Variants in MAOB observed in about 807,000 individuals in gnomAD.
MAOB encodes amine oxidase [flavin-containing] B.
In MAOB, 15 loss-of-function variants were observed where a neutral mutation model predicts 41.9. The ratio of observed to expected loss-of-function variants is 0.36; its 90% confidence interval spans 0.24 to 0.55. MAOB has a LOEUF of 0.55. Ranked by LOEUF, MAOB falls within the 20% of genes least tolerant of loss-of-function variation. The pLI, the probability that MAOB is intolerant of heterozygous loss-of-function variation, is 0.86. For missense variants in MAOB, 345 were observed against 398.7 expected (o/e 0.87, Z 1.15); for synonymous variants, 167 against 144.2 (o/e 1.16, Z -1.13).
chrX:43,826,093 A>C (rs1191772461), intron 3 of MAOB, among the ~76,000 whole-genome samples: 2 of 112,342 alleles, frequency 1.8e-5, no homozygotes, highest in Non-Finnish European at 3.7e-5. Flanking sequence ...ATAACACATA[A>C]GCTCCACAAG....
intron 12 of MAOB, among the ~76,000 whole-genome samples, chrX:43,770,489 C>T (rs1192299247): frequency 8.9e-6 from 1 of 112,084 alleles, no homozygotes; most frequent in African/African-American, 3.2e-5. Flanking sequence ...TGCTCTCGGT[C>T]ACAGCTAGTA....
intron 8 of MAOB, among the ~76,000 whole-genome samples, chrX:43,792,973 ATATAGCATGGAATAC>A (rs1240003388): frequency 8.9e-6 from 1 of 112,293 alleles, no homozygotes; most frequent in African/African-American, 3.2e-5. Context: ...TGTGGTATGT[ATATAGCATGGAATAC>A]TATGCAGCCA....
intron 3 of MAOB, among the ~76,000 whole-genome samples, chrX:43,823,266 G>A (rs746119062): frequency 1.0e-4 from 10 of 98,726 alleles, no homozygotes; most frequent in Middle Eastern, 5.8e-3. Flanking sequence ...TCCACCTCCC[G>A]GGTTCCAGTG....
chrX:43,882,174 C>A lies in MAOB; in HGVS notation c.46+80G>T, dbSNP rs1457651744. 7 of 1,170,628 alleles carry A rather than the reference C, an allele frequency of 6.0e-6. No individual in the cohort carries two copies. In the African/African-American group the frequency reaches 1.2e-4, roughly 21 times the overall value. ...GACTCCAGGGTCAGCCCCTGCCCCA[C>A]GGCCGCCCCCCGCGTCTCCCCCAGG... On this transcript the variant is annotated intron_variant, in intron 1 of 14. Transcript: ENST00000378069.
chrX:43,844,955 T>C (rs1053179866), intron 1 of MAOB, among the ~76,000 whole-genome samples: 1 of 111,924 alleles, frequency 8.9e-6, no homozygotes. Flanking sequence ...CCCCAGTAAA[T>C]GTATTCTTCT....
chrX:43,789,666 A>G (rs2034440328), intron 8 of MAOB, among the ~76,000 whole-genome samples: 1 of 111,438 alleles, frequency 9.0e-6, no homozygotes, highest in Non-Finnish European at 1.9e-5. Context: ...AAGGCCAGCA[A>G]AATATAGGAA....
intron 3 of MAOB, among the ~76,000 whole-genome samples, chrX:43,816,576 G>C (rs2034816960): frequency 8.9e-6 from 1 of 111,809 alleles, no homozygotes. Flanking sequence ...TGAGTAGAAA[G>C]AGACTTCAAC....
intron 3 of MAOB, among the ~76,000 whole-genome samples, chrX:43,829,946 G>C (rs1158783580): frequency 9.0e-6 from 1 of 111,162 alleles, no homozygotes; most frequent in African/African-American, 3.3e-5. Flanking sequence ...TGCTGTGAGT[G>C]GAAACCACAC....
Position 43,793,540 on chromosome X carries a change from G to A in MAOB, c.807C>T (p.Gly269=). 1 of 1,202,555 alleles carries A rather than the reference G, an allele frequency of 8.3e-7. No homozygotes were observed. Among genetic ancestry groups the A allele is most frequent in the Non-Finnish European group, 1.1e-6 (1 of 889,229 alleles). Residue 269 remains glycine, a synonymous_variant, in exon 8 of 15, where the codon GGC becomes GGT. Transcript: ENST00000378069. The part of the protein sequence containing the change: ...YVISAIPPTL[G]MKIHFNPPLP... ...GAGGGGGATTGAAGTGAATCTTCAT[G>A]CCCAGAGTAGGAGGAATAGCACTAA... is the stretch of plus-strand genomic sequence containing the variant.
intron 7 of MAOB, 124 bp from the exon 8 acceptor site, chrX:43,793,702 C>T (rs1172306441): frequency 1.4e-5 from 8 of 589,824 alleles, no homozygotes; most frequent in South Asian, 1.0e-4. Flanking sequence ...AGGATTTTGT[C>T]GAAACCTAAA....
intron 1 of MAOB, among the ~76,000 whole-genome samples, chrX:43,866,619 C>T (rs780418636): frequency 1.2e-4 from 14 of 112,446 alleles, no homozygotes; most frequent in African/African-American, 3.5e-4. Flanking sequence ...GAAGATGCAA[C>T]GGTTCTGGAG....
At chrX:43,851,645 C>G (rs1602026503) in intron 1 of MAOB, among the ~76,000 whole-genome samples, 1 of 111,317 alleles carries the variant, frequency 9.0e-6, no homozygotes, top group Admixed American at 9.5e-5. Context: ...TTGGGTGACC[C>G]CCTCCCCAGA....
intron 3 of MAOB, among the ~76,000 whole-genome samples, chrX:43,830,593 A>C (rs993508448): frequency 6.2e-5 from 7 of 112,045 alleles, no homozygotes; most frequent in African/African-American, 2.3e-4. Flanking sequence ...TTAAGGGGGA[A>C]AGTTCACAGT....
At chrX:43,831,375 A>G (rs149510223) in intron 3 of MAOB, among the ~76,000 whole-genome samples, 2,487 of 111,547 alleles carry the variant, frequency 0.022, 69 homozygotes, top group South Asian at 0.17. Flanking sequence ...AGTACTAAAA[A>G]GTACAAAGAA....
intron 1 of MAOB, among the ~76,000 whole-genome samples, chrX:43,857,116 TAGAGAGAGAGAGAGAGAG>T (rs1163831661): frequency 2.8e-3 from 32 of 11,351 alleles, no homozygotes; most frequent in South Asian, 0.015. Context: ...TATATATATA[TAGAGAGAGAGAGAGAGAG>T]AGAGAGAGAG....
At chrX:43,827,659 A>C (rs1042866716) in intron 3 of MAOB, among the ~76,000 whole-genome samples, 1 of 111,118 alleles carries the variant, frequency 9.0e-6, no homozygotes, top group African/African-American at 3.3e-5. Flanking sequence ...CTCCCTTTCC[A>C]TGGGAAGACT....
At chrX:43,779,015 A>T (rs1269724266) in intron 10 of MAOB, among the ~76,000 whole-genome samples, 1 of 111,814 alleles carries the variant, frequency 8.9e-6, no homozygotes, top group Non-Finnish European at 1.9e-5. Context: ...TATTATTTTA[A>T]ATCCAGGAGC....
chrX:43,817,388 A>G (rs2034828664), intron 3 of MAOB, among the ~76,000 whole-genome samples: 2 of 111,014 alleles, frequency 1.8e-5, no homozygotes, highest in South Asian at 7.6e-4. Flanking sequence ...TAAATTCAAA[A>G]TATATCTAGA....
At chrX:43,838,415 T>A (rs1052843282) in intron 3 of MAOB, among the ~76,000 whole-genome samples, 1 of 111,866 alleles carries the variant, frequency 8.9e-6, no homozygotes, top group African/African-American at 3.3e-5. Context: ...GATGTCAATC[T>A]CCAAAGAAGA....
Sources: gnomAD v4.1 joint callset for allele counts (sites outside exome capture counted in the v4.1 genomes callset) on GRCh38, gnomAD v4.1.1 for gene constraint, MANE v1.5 for transcripts, NCBI Gene and HGNC (gene_info 2026-07-23, HGNC 2026-07-21) for gene names.